Variants in SSPN observed in about 807,000 individuals in gnomAD.
The protein encoded by SSPN is sarcospan.
SSPN carries 15 observed loss-of-function variants against 19.1 expected under a neutral mutation model. The observed-to-expected ratio is 0.78, with a 90% CI of 0.52 to 1.21. The LOEUF (loss-of-function observed/expected upper bound fraction) is 1.21, where lower values mean the gene tolerates loss of function less well. Ranked by LOEUF, SSPN falls within the 50% of genes most tolerant of loss-of-function variation. The pLI is 0.00. For synonymous variants in SSPN, 147 were observed against 140.3 expected (o/e 1.05, Z -0.34); for missense variants, 291 against 314.0 (o/e 0.93, Z 0.55).
At chr12:26,123,323 C>T (rs908848763) in intron 1 of SSPN, among the ~76,000 whole-genome samples, 29 of 152,218 alleles carry the variant, frequency 1.9e-4, no homozygotes, top group African/African-American at 6.5e-4. Flanking sequence ...CACCAGTTGA[C>T]GAGAGAAGCG....
intron 1 of SSPN, chr12:26,180,359 T>C (rs1031355253): frequency 1.3e-5 from 2 of 152,178 alleles, no homozygotes; most frequent in African/African-American, 4.8e-5. Flanking sequence ...TTTTTTTTCT[T>C]GTCACGATGA....
At chr12:26,123,855 TTC>T in intron 1 of SSPN, 2 of 812,014 alleles carry the variant, frequency 2.5e-6, no homozygotes, top group South Asian at 2.7e-5. Flanking sequence ...AGAAGTACTG[TTC>T]TTTTACTTCT....
intron 1 of SSPN, among the ~76,000 whole-genome samples, chr12:26,157,618 G>A (rs4963966): frequency 0.039 from 5,881 of 152,130 alleles, 147 homozygotes; most frequent in South Asian, 0.069. Flanking sequence ...AGACTTTTGC[G>A]CTAGGCTGAA....
At chr12:26,166,460 G>A (rs1246572011) in intron 1 of SSPN, among the ~76,000 whole-genome samples, 2 of 152,216 alleles carry the variant, frequency 1.3e-5, no homozygotes, top group African/African-American at 4.8e-5. Flanking sequence ...CTGGCTGATT[G>A]TACATTGTAC....
intron 2 of SSPN, among the ~76,000 whole-genome samples, chr12:26,226,500 C>T (rs528091286): frequency 6.6e-6 from 1 of 152,112 alleles, no homozygotes; most frequent in African/African-American, 2.4e-5. Flanking sequence ...TAGCCACGGG[C>T]TCTTTTTTTT....
At chr12:26,213,870 T>G (rs1206759267) in intron 1 of SSPN, among the ~76,000 whole-genome samples, 3 of 152,160 alleles carry the variant, frequency 2.0e-5, no homozygotes, top group African/African-American at 4.8e-5. Flanking sequence ...GTTTATGGTC[T>G]GCCTCTCCAC....
chr12:26,127,871 A>G (rs552928936), intron 1 of SSPN, among the ~76,000 whole-genome samples: 1 of 152,296 alleles, frequency 6.6e-6, no homozygotes, highest in Non-Finnish European at 1.5e-5. Context: ...ATGCCTCTGA[A>G]TATCCCTTTG....
intron 1 of SSPN, among the ~76,000 whole-genome samples, chr12:26,187,668 G>C (rs145557403): frequency 3.3e-5 from 5 of 152,276 alleles, no homozygotes; most frequent in African/African-American, 1.2e-4. Flanking sequence ...AGAAGGAGGG[G>C]AATGGGCTAA....
At chr12:26,206,152 A>G (rs941322642) in intron 1 of SSPN, among the ~76,000 whole-genome samples, 1 of 152,146 alleles carries the variant, frequency 6.6e-6, no homozygotes, top group African/African-American at 2.4e-5. Context: ...CACATCACAA[A>G]AAGCTCAGTG....
At chr12:26,166,586 T>C (rs1429510184) in intron 1 of SSPN, among the ~76,000 whole-genome samples, 1 of 152,244 alleles carries the variant, frequency 6.6e-6, no homozygotes, top group Non-Finnish European at 1.5e-5. Flanking sequence ...CGTTTTTAAA[T>C]GGTTGAAATA....
chr12:26,137,719 C>G (rs111626481), intron 1 of SSPN, among the ~76,000 whole-genome samples: 21,911 of 121,880 alleles, frequency 0.18, 1,980 homozygotes, highest in Non-Finnish European at 0.2. Flanking sequence ...GGCTGGAGTA[C>G]AGTGGTGCAA....
At chr12:26,213,016 T>A (rs2137484096) in intron 1 of SSPN, among the ~76,000 whole-genome samples, 1 of 152,200 alleles carries the variant, frequency 6.6e-6, no homozygotes, top group East Asian at 1.9e-4. Context: ...ACTTCTGGAA[T>A]TCGCCATGGA....
intron 1 of SSPN, among the ~76,000 whole-genome samples, chr12:26,202,844 G>T (rs944506401): frequency 6.6e-6 from 1 of 152,212 alleles, no homozygotes; most frequent in Non-Finnish European, 1.5e-5. Flanking sequence ...CTGTAGGATA[G>T]TGTATTAGTC....
intron 1 of SSPN, among the ~76,000 whole-genome samples, chr12:26,202,821 T>C (rs1412548535): frequency 6.6e-6 from 1 of 152,234 alleles, no homozygotes; most frequent in African/African-American, 2.4e-5. Flanking sequence ...TCAGCATATA[T>C]GTTTCTATGT....
intron 1 of SSPN, among the ~76,000 whole-genome samples, chr12:26,153,876 C>G (rs1944540338): frequency 6.6e-6 from 1 of 152,202 alleles, no homozygotes; most frequent in African/African-American, 2.4e-5. Context: ...ATGGTCCCTC[C>G]TGATGGATGA....
chr12:26,156,938 C>T (rs779010705), intron 1 of SSPN, among the ~76,000 whole-genome samples: 20 of 152,324 alleles, frequency 1.3e-4, no homozygotes, highest in Non-Finnish European at 2.2e-4. Context: ...TGTCTGACTC[C>T]AAATCTAGTG....
chr12:26,141,493 A>G (rs1591846744), intron 1 of SSPN, among the ~76,000 whole-genome samples: 1 of 152,186 alleles, frequency 6.6e-6, no homozygotes, highest in South Asian at 2.1e-4. Context: ...ATTTGTTAGC[A>G]TGGCCACAGA....
At chr12:26,191,890 T>G (rs1944791255), upstream of SSPN, among the ~76,000 whole-genome samples, 1 of 152,240 alleles carries the variant, frequency 6.6e-6, no homozygotes, top group South Asian at 2.1e-4. Context: ...ATAGATTTAG[T>G]TACATATGAA....
chr12:26,230,913 C>T lies in SSPN; in HGVS notation c.569C>T (p.Thr190Ile). 1 of 1,614,158 alleles carries T rather than the reference C, an allele frequency of 6.2e-7. No homozygotes were observed. Among genetic ancestry groups the T allele is most frequent in the Admixed American group, 1.7e-5 (1 of 60,026 alleles). ...DVTDCTSVTG[T>I]FKLFLLIQMI... ...ACGGACTGTACCAGCGTCACTGGCA[C>T]TTTCAAACTGTTCTTACTCATCCAG... is the stretch of plus-strand genomic sequence containing the variant. Residue 190 changes from threonine (T) to isoleucine (I), a missense_variant, in exon 3 of 3, where the codon ACT (threonine) becomes ATT (isoleucine). Coordinates refer to ENST00000242729, the MANE Select transcript of SSPN (RefSeq NM_005086.5).
Sources: allele counts gnomAD v4.1 joint callset (sites outside exome capture counted in the v4.1 genomes callset), GRCh38; gene constraint gnomAD v4.1.1; transcripts MANE v1.5; gene names NCBI Gene and HGNC (gene_info 2026-07-23, HGNC 2026-07-21).